ZBTB7C: variants seen among roughly 807,000 people sequenced by gnomAD.
The protein encoded by ZBTB7C is zinc finger and BTB domain containing 7C.
A neutral mutation model predicts 25.7 loss-of-function variants in ZBTB7C; 8 were observed. The ratio of observed to expected loss-of-function variants is 0.31; its 90% CI spans 0.18 to 0.56. The LOEUF (loss-of-function observed/expected upper bound fraction) is 0.56, where lower values mean the gene tolerates loss of function less well. Among genes scored for constraint, ZBTB7C ranks in the 20% least tolerant of loss-of-function variants. The probability of loss-of-function intolerance (pLI) is 0.91; values close to 1 mark genes in which losing one functional copy is unlikely to be tolerated. For synonymous variants in ZBTB7C, 394 were observed against 369.0 expected, an observed-to-expected ratio of 1.07 and a Z score of -0.78; for missense variants, 824 against 855.2, an observed-to-expected ratio of 0.96 and a Z score of 0.46.
chr18:48,401,710 C>T (rs975928829), intron 1 of ZBTB7C, among the ~76,000 whole-genome samples: 2 of 152,056 alleles, frequency 1.3e-5, no homozygotes, highest in Non-Finnish European at 2.9e-5. Context: ...CTTGCCATTC[C>T]CTGGCTTAGG....
intron 2 of ZBTB7C, among the ~76,000 whole-genome samples, chr18:48,219,581 T>G (rs998506092): frequency 1.3e-5 from 2 of 152,132 alleles, no homozygotes; most frequent in South Asian, 4.1e-4. Context: ...CAGAGTTCTA[T>G]GCACAAAGCC....
intron 4 of ZBTB7C, among the ~76,000 whole-genome samples, chr18:48,036,361 G>T (rs140202909): frequency 2.0e-5 from 3 of 152,170 alleles, no homozygotes; most frequent in African/African-American, 7.2e-5. Flanking sequence ...TCATTAGTAC[G>T]TCCCCGTGGG....
chr18:48,070,226 C>A (rs2037491681), intron 3 of ZBTB7C, among the ~76,000 whole-genome samples: 1 of 152,204 alleles, frequency 6.6e-6, no homozygotes, highest in African/African-American at 2.4e-5. Flanking sequence ...ATAAAAGTGT[C>A]AGCCACAATG....
At chr18:48,112,264 T>TC (rs1250279236) in intron 3 of ZBTB7C, among the ~76,000 whole-genome samples, 1 of 133,374 alleles carries the variant, frequency 7.5e-6, no homozygotes, top group Non-Finnish European at 1.5e-5. Context: ...TTTTTTCTTT[T>TC]TTTTTTTTTT....
chr18:48,355,453 G>A (rs11082672), intron 1 of ZBTB7C, among the ~76,000 whole-genome samples: 54,149 of 152,058 alleles, frequency 0.36, 10,780 homozygotes, highest in East Asian at 0.7. Flanking sequence ...CTCCTCACCC[G>A]AGCACTCCAG....
At chr18:48,323,225 A>G (rs1466787745) in intron 2 of ZBTB7C, among the ~76,000 whole-genome samples, 8 of 152,236 alleles carry the variant, frequency 5.3e-5, no homozygotes, top group Non-Finnish European at 1.0e-4. Context: ...AAAAAAAGCC[A>G]GACTCTGCAT....
intron 4 of ZBTB7C, among the ~76,000 whole-genome samples, chr18:48,034,283 C>G (rs1016735556): frequency 1.3e-5 from 2 of 152,084 alleles, no homozygotes; most frequent in African/African-American, 4.8e-5. Context: ...CCCCATGGTA[C>G]GCTGCCCCAC....
chr18:48,343,382 C>G (rs2046650230), intron 1 of ZBTB7C, among the ~76,000 whole-genome samples: 1 of 152,136 alleles, frequency 6.6e-6, no homozygotes. Context: ...CAAATTCCTG[C>G]CTCATCTATA....
chr18:48,169,885 A>G (rs4319836), intron 3 of ZBTB7C: 132,467 of 152,362 alleles, frequency 0.87, 57,930 homozygotes, highest in African/African-American at 0.95. Flanking sequence ...CTGCTGAAGC[A>G]AGCACAAAAG....
chr18:48,115,715 G>A (rs1057454620), intron 3 of ZBTB7C, among the ~76,000 whole-genome samples: 3 of 152,068 alleles, frequency 2.0e-5, no homozygotes, highest in African/African-American at 7.2e-5. Flanking sequence ...CAATCCTTTG[G>A]GGTATATATC....
chr18:48,083,106 A>G (rs983664387), intron 3 of ZBTB7C, among the ~76,000 whole-genome samples: 5 of 152,186 alleles, frequency 3.3e-5, no homozygotes, highest in African/African-American at 4.8e-5. Context: ...TGAAGACCTG[A>G]AATAAAAGTA....
At chr18:48,035,451 T>C (rs1244520391) in intron 4 of ZBTB7C, among the ~76,000 whole-genome samples, 1 of 152,232 alleles carries the variant, frequency 6.6e-6, no homozygotes, top group African/African-American at 2.4e-5. Flanking sequence ...AGCCATGCTC[T>C]CTAGGAGCTA....
At chr18:48,396,023 C>T (rs904588664) in intron 1 of ZBTB7C, among the ~76,000 whole-genome samples, 1 of 152,200 alleles carries the variant, frequency 6.6e-6, no homozygotes, top group African/African-American at 2.4e-5. Flanking sequence ...GGGGGTAGAA[C>T]ACAGGATGAT....
chr18:48,103,465 A>G (rs2038922828), intron 3 of ZBTB7C, among the ~76,000 whole-genome samples: 1 of 152,200 alleles, frequency 6.6e-6, no homozygotes, highest in Non-Finnish European at 1.5e-5. Context: ...GTTTGAATCC[A>G]TCCCCAGCAA....
intron 3 of ZBTB7C, among the ~76,000 whole-genome samples, chr18:48,068,151 T>TTC (rs1471021237): frequency 6.7e-6 from 1 of 150,266 alleles, no homozygotes; most frequent in Admixed American, 6.6e-5. Flanking sequence ...TTTTTTTTTT[T>TTC]TTTTTGAGAT....
intron 2 of ZBTB7C, among the ~76,000 whole-genome samples, chr18:48,328,599 T>A (rs1368278195): frequency 1.3e-5 from 2 of 152,094 alleles, no homozygotes; most frequent in African/African-American, 4.8e-5. Flanking sequence ...CCCTGCCCCA[T>A]CCATCAGATG....
Position 48,187,820 on chromosome 18 carries a change from C to CAAAAA in ZBTB7C, c.-78-1830_-78-1826dup, listed in dbSNP as rs919402026. Among the ~76,000 whole-genome samples the CAAAAA allele has an allele frequency of 4.5e-3, 327 of 73,214 alleles. 7 individuals carry two copies. Among genetic ancestry groups the CAAAAA allele is most frequent in the Non-Finnish European group, 5.8e-3 (229 of 39,600 alleles). 48.0% of individuals were successfully genotyped at this position (73,214 alleles called of 152,430 possible). A position where few individuals can be genotyped will look rare whatever the true frequency, so the allele number is the denominator to read the frequency against. ...TGGGCAACAGGGCAAGACCCCGTCTCAAAAAAAAAAAAAAAAAAAAAAGAC... is the reference window on the plus strand; with the variant it reads ...TGGGCAACAGGGCAAGACCCCGTCTCAAAAAAAAAAAAAAAAAAAAAAAAAAAGAC... On this transcript the variant is annotated intron_variant, in intron 2 of 4. Coordinates refer to ENST00000590800, the MANE Select transcript of ZBTB7C (RefSeq NM_001318841.2).
Position 48,029,389 on chromosome 18 carries a change from C to A in ZBTB7C, c.1731G>T (p.Ala577=). Residue 577 remains alanine, a synonymous_variant, in exon 5 of 5, where the codon GCG becomes GCT. Transcript: ENST00000590800. The part of the protein sequence containing the change: ...ERNAGGLLAF[A]LAENVAAARP... Reference sequence around the variant, plus strand: ...GCGCCGCCGCCACGTTCTCGGCCAGCGCGAAGGCCAGGAGGCCCCCCGCGT... The same window carrying A: ...GCGCCGCCGCCACGTTCTCGGCCAGAGCGAAGGCCAGGAGGCCCCCCGCGT... The A allele has an allele frequency of 6.4e-7, 1 of 1,560,282 alleles. No individual in the cohort carries two copies. The highest frequency in any genetic ancestry group is 1.2e-5 in the South Asian group (1 of 86,234).
intron 3 of ZBTB7C, among the ~76,000 whole-genome samples, chr18:48,157,993 T>C (rs1275900829): frequency 1.3e-5 from 2 of 152,092 alleles, no homozygotes; most frequent in African/African-American, 4.8e-5. Flanking sequence ...GAGCAGGTAC[T>C]TGGCAAACAT....
Sources: allele counts gnomAD v4.1 joint callset (sites outside exome capture counted in the v4.1 genomes callset), GRCh38; gene constraint gnomAD v4.1.1; transcripts MANE v1.5; gene names NCBI Gene and HGNC (gene_info 2026-07-23, HGNC 2026-07-21).